RO60: variants seen among roughly 807,000 people sequenced by gnomAD.
The protein encoded by RO60 is Ro60, Y RNA binding protein.
In RO60, 20 loss-of-function variants were observed where a neutral mutation model predicts 55.3. That is an observed-to-expected ratio of 0.36 (90% confidence interval 0.25 to 0.53). The LOEUF is 0.53. Ranked by LOEUF, RO60 falls within the 20% of genes least tolerant of loss-of-function variation. RO60 has a pLI of 0.92. For missense variants in RO60, 558 were observed against 646.6 expected, an observed-to-expected ratio of 0.86 and a Z score of 1.49; for synonymous variants, 213 against 213.6, an observed-to-expected ratio of 1.00 and a Z score of 0.02.
At chr1:193,074,085 C>T (rs1436974150) in intron 2 of RO60, among the ~76,000 whole-genome samples, 5 of 152,072 alleles carry the variant, frequency 3.3e-5, no homozygotes, top group Non-Finnish European at 5.9e-5. Flanking sequence ...TTTATGGCTG[C>T]ATAGTATTCC....
intron 8 of RO60, 130 bp downstream of exon 8, chr1:193,082,838 C>T: frequency 1.4e-6 from 1 of 696,880 alleles, no homozygotes; most frequent in East Asian, 3.0e-5. Flanking sequence ...AGTCATAGCT[C>T]ACTGCAACCT....
At chr1:193,091,773 T>C, downstream of RO60, 2 of 1,107,264 alleles carry the variant, frequency 1.8e-6, no homozygotes, top group Non-Finnish European at 2.7e-6. Context: ...TCTATGCACA[T>C]TAAACAAGTG....
chr1:193,069,942 A>G (rs116681647), intron 2 of RO60, among the ~76,000 whole-genome samples: 2,339 of 152,282 alleles, frequency 0.015, 47 homozygotes, highest in Non-Finnish European at 0.02. Context: ...CAGGGGCAAG[A>G]CTAAAAGTTG....
intron 6 of RO60, 111 bp from the exon 7 acceptor site, chr1:193,082,072 TAAA>T: frequency 1.4e-6 from 1 of 733,896 alleles, no homozygotes; most frequent in Non-Finnish European, 2.4e-6. Flanking sequence ...AACACACTAA[TAAA>T]AAGTTAAGAA....
At position 193,077,005 on chromosome 1, in the gene RO60, A is replaced by T. The variant is rs1424881191; in HGVS notation, c.1041A>T (p.Glu347Asp). Residue 347 changes from glutamate to aspartate, a missense_variant, in exon 5 of 9, where the codon GAA (glutamate) becomes GAT (aspartate). Coordinates refer to ENST00000400968, the MANE Select transcript of RO60 (RefSeq NM_001173524.2). ...LRGKLKWRPD[E>D]EILKALDAAF... The stretch of plus-strand genomic sequence containing the variant: ...GGAAACTGAAGTGGCGCCCTGATGA[A>T]GAAATTTTGAAAGCATTGGATGCTG... 1 of 1,612,706 alleles carries T rather than the reference A, an allele frequency of 6.2e-7. No homozygotes were observed. The highest frequency in any genetic ancestry group is 8.5e-7 in the Non-Finnish European group (1 of 1,179,230).
In RO60 at chr1:193,059,897, C is replaced by G. The variant is rs1672324753; in HGVS notation, c.-22+121C>G. On this transcript the variant is annotated intron_variant, in intron 1 of 8. Coordinates refer to ENST00000400968, the MANE Select transcript of RO60 (RefSeq NM_001173524.2). The surrounding 1 kb of genome is among the most constrained non-coding windows in gnomAD (Gnocchi z 4.9). ...AGGGGTTGAGGCTGGGCAAACGCCG[C>G]GAAACTATCGCTCTTCCCCGTCCCG... 13 of 1,365,656 alleles carry G rather than the reference C, an allele frequency of 9.5e-6. No individual in the cohort carries two copies. Among genetic ancestry groups the G allele is most frequent in the Non-Finnish European group, 1.3e-5 (13 of 1,021,510 alleles). 84.6% of individuals were successfully genotyped at this position (1,365,656 alleles called of 1,614,324 possible). A position where few individuals can be genotyped will look rare whatever the true frequency, so the allele number is the denominator to read the frequency against.
Position 193,077,025 on chromosome 1 carries a change from A to G in RO60, c.1061A>G (p.Asp354Gly). Residue 354 changes from aspartate to glycine, a missense_variant, in exon 5 of 9, where the codon GAT becomes GGT. Asp to Gly is a moderately conservative substitution (Grantham distance 94). Transcript: ENST00000400968. ...GATGAAGAAATTTTGAAAGCATTGG[A>G]TGCTGCTTTTTATAAAACATTTAAG... ...RPDEEILKAL[D>G]AAFYKTFKTV... 1 of 1,611,652 alleles carries G rather than the reference A, an allele frequency of 6.2e-7. No individual in the cohort carries two copies. Among genetic ancestry groups the G allele is most frequent in the Non-Finnish European group, 8.5e-7 (1 of 1,178,498 alleles).
Position 193,071,224 on chromosome 1 carries a change from T to A in RO60, c.580+1590T>A, listed in dbSNP as rs146863481. ...GCTCACTTGCCTGCTGCTCACCTCC[T>A]GCTGTGCAGCCCAGTTCCTAACAGG... On this transcript the variant is annotated intron_variant, in intron 2 of 8. Transcript: ENST00000400968. Among the ~76,000 whole-genome samples the A allele has an allele frequency of 3.3e-3, 503 of 152,334 alleles. 2 individuals carry two copies. The highest frequency in any genetic ancestry group is 6.2e-3 in the Non-Finnish European group (419 of 68,032).
chr1:193,063,104 T>G (rs1672891212), intron 1 of RO60, among the ~76,000 whole-genome samples: 1 of 152,248 alleles, frequency 6.6e-6, no homozygotes, highest in African/African-American at 2.4e-5. Context: ...ACTGCCAGAC[T>G]GTTTTCCAAA....
intron 5 of RO60, among the ~76,000 whole-genome samples, chr1:193,078,040 G>A (rs143131752): frequency 0.013 from 1,936 of 152,198 alleles, 21 homozygotes; most frequent in South Asian, 0.034. Flanking sequence ...CAGCAAAATA[G>A]AAGGATTACA....
chr1:193,082,193 C>T lies in RO60; in HGVS notation c.1211C>T (p.Thr404Ile). ...TVAAAMCMVVTRTEKDSYVVA... is the reference protein window; with the variant it reads ...TVAAAMCMVVIRTEKDSYVVA... ...TGCCATTGAATTTTTCAGGTTGTCA[C>T]ACGAACAGAAAAAGATTCTTATGTA... Residue 404 changes from threonine (T) to isoleucine (I), a missense_variant, in exon 7 of 9, where the codon ACA becomes ATA. By Grantham distance (89) the Thr-to-Ile change is moderately conservative. Transcript: ENST00000400968. The T allele has an allele frequency of 1.2e-6, 2 of 1,610,106 alleles. No individual in the cohort carries two copies. The highest frequency in any genetic ancestry group is 2.2e-5 in the South Asian group (2 of 90,116).
At chr1:193,080,478 G>A (rs1478298515) in intron 5 of RO60, among the ~76,000 whole-genome samples, 1 of 152,158 alleles carries the variant, frequency 6.6e-6, no homozygotes, top group African/African-American at 2.4e-5. Context: ...AGTCACAGTA[G>A]CATTATTCAC....
At chr1:193,062,121 G>T (rs974337227) in intron 1 of RO60, among the ~76,000 whole-genome samples, 44 of 152,086 alleles carry the variant, frequency 2.9e-4, no homozygotes, top group Non-Finnish European at 1.5e-5. Flanking sequence ...GATAGGTCAG[G>T]CCCATCCAAA....
In RO60 at chr1:193,075,167, A is replaced by T. The variant is rs1157559471; in HGVS notation, c.581-653A>T. Among the ~76,000 whole-genome samples the T allele has an allele frequency of 2.0e-5, 3 of 152,274 alleles. No individual in the cohort carries two copies. The South Asian group carries it at 6.2e-4, about 32-fold the overall frequency. On this transcript the variant is annotated intron_variant, in intron 2 of 8. Coordinates refer to ENST00000400968, the MANE Select transcript of RO60 (RefSeq NM_001173524.2). Reference sequence around the variant, plus strand: ...AGAAGTGGTGAAACTAAGACCTAGAAAGACCACCATTTATTGGCAGAGTAT... The same window carrying T: ...AGAAGTGGTGAAACTAAGACCTAGATAGACCACCATTTATTGGCAGAGTAT...
chr1:193,066,570 A>G (rs1219649578), intron 1 of RO60, among the ~76,000 whole-genome samples: 1 of 152,198 alleles, frequency 6.6e-6, no homozygotes, highest in East Asian at 1.9e-4. Flanking sequence ...TCTTCCTTGT[A>G]GTCCATGATA....
intron 1 of RO60, among the ~76,000 whole-genome samples, chr1:193,068,526 A>G (rs756243828): frequency 3.3e-5 from 5 of 152,336 alleles, no homozygotes; most frequent in Middle Eastern, 6.8e-3. Flanking sequence ...TGTTTACACA[A>G]TTCTTCAGGG....
chr1:193,072,868 A>G (rs919357172), intron 2 of RO60, among the ~76,000 whole-genome samples: 1 of 152,238 alleles, frequency 6.6e-6, no homozygotes, highest in African/African-American at 2.4e-5. Flanking sequence ...ACTTCCACAC[A>G]TAGGATTCTT....
At chr1:193,070,218 C>G (rs912786791) in intron 2 of RO60, among the ~76,000 whole-genome samples, 6 of 151,694 alleles carry the variant, frequency 4.0e-5, no homozygotes, top group Non-Finnish European at 8.8e-5. Context: ...CCATGCTGTA[C>G]CCACTGCTCT....
intron 5 of RO60, among the ~76,000 whole-genome samples, chr1:193,078,215 G>A (rs1385920592): frequency 6.6e-6 from 1 of 152,150 alleles, no homozygotes; most frequent in African/African-American, 2.4e-5. Context: ...CCTTCATGAT[G>A]AAAAATAAAA....
Sources: gnomAD v4.1 joint callset for allele counts (sites outside exome capture counted in the v4.1 genomes callset) on GRCh38, gnomAD v4.1.1 for gene constraint, Gnocchi (gnomAD v3.1) non-coding constraint, MANE v1.5 for transcripts, NCBI Gene and HGNC (gene_info 2026-07-23, HGNC 2026-07-21) for gene names.